NSD1: variants seen among roughly 807,000 people sequenced by gnomAD.
NSD1 encodes the protein nuclear receptor binding SET domain protein 1.
In NSD1, 26 loss-of-function variants were observed where a neutral mutation model predicts 242.7. The ratio of observed to expected loss-of-function variants is 0.11; its 90% CI spans 0.08 to 0.15. The LOEUF (loss-of-function observed/expected upper bound fraction) is 0.15, where lower values mean the gene tolerates loss of function less well. Ranked by LOEUF, NSD1 falls within the 10% of genes least tolerant of loss-of-function variation. The probability of loss-of-function intolerance (pLI) is 1.00; values close to 1 mark genes in which losing one functional copy is unlikely to be tolerated. For missense variants in NSD1, 2,495 were observed against 3,272.8 expected, an observed-to-expected ratio of 0.76 and a Z score of 5.80; for synonymous variants, 1,106 against 1,178.1, an observed-to-expected ratio of 0.94 and a Z score of 1.25.
rs138641637 is a variant in NSD1 at position 177,212,121 on chromosome 5, G to T, written c.3722G>T (p.Ser1241Ile). Residue 1241 changes from serine (S) to isoleucine (I), a missense_variant, in exon 5 of 23, where the codon AGT becomes ATT. Around this residue, in one of 19 missense-constraint regions of NSD1, gnomAD observed 426 missense variants for 411.4 expected, o/e 1.04. Transcript: ENST00000439151. Reference sequence around the variant, plus strand: ...CGGTTAAATGTTTGTGATAAATCCAGTGCCAGCATTGGTGACATGGAAAAG... The same window carrying T: ...CGGTTAAATGTTTGTGATAAATCCATTGCCAGCATTGGTGACATGGAAAAG... ...GPRLNVCDKS[S>I]ASIGDMEKEP... 3 of 1,613,886 alleles carry T rather than the reference G, an allele frequency of 1.9e-6. No homozygotes were observed. The highest frequency in any genetic ancestry group is 3.3e-5 in the Admixed American group (2 of 59,958).
chr5:177,272,969 A>T (rs1357270586), intron 16 of NSD1, among the ~76,000 whole-genome samples: 1 of 152,192 alleles, frequency 6.6e-6, no homozygotes, highest in Non-Finnish European at 1.5e-5. Flanking sequence ...TTACACAACA[A>T]GTCTTAGGAT....
rs565578354 is a variant in NSD1, at chr5:177,299,869, C to G, written c.*4410C>G. The stretch of plus-strand genomic sequence containing the variant: ...GCAGGCCAGAGCAAGGCGGTCTCAT[C>G]GAGGTGGGTGCTACCTGTGTGTGTG... On this transcript the variant is annotated 3_prime_UTR_variant, in exon 23 of 23. Coordinates refer to ENST00000439151, the MANE Select transcript of NSD1 (RefSeq NM_022455.5). 4 of 233,264 alleles carry G rather than the reference C, an allele frequency of 1.7e-5. No homozygotes were observed. The highest frequency in any genetic ancestry group is 8.8e-5 in the African/African-American group (4 of 45,388). 14.4% of individuals were successfully genotyped at this position (233,264 alleles called of 1,614,324 possible).
At chr5:177,151,838 T>G (rs1159240726) in intron 2 of NSD1, among the ~76,000 whole-genome samples, 3 of 151,722 alleles carry the variant, frequency 2.0e-5, no homozygotes, top group African/African-American at 7.3e-5. Flanking sequence ...GGACTACAGG[T>G]GTGTGCCTTC....
At chr5:177,248,149 A>G (rs368415989) in intron 10 of NSD1, 32 bp from the exon 11 acceptor site, 222 of 1,612,826 alleles carry the variant, frequency 1.4e-4, no homozygotes, top group Non-Finnish European at 1.9e-4. Flanking sequence ...CATCAATAAT[A>G]CAGATGTGGG....
At chr5:177,223,993 C>CA (rs1387550521) in intron 5 of NSD1, among the ~76,000 whole-genome samples, 1 of 151,936 alleles carries the variant, frequency 6.6e-6, no homozygotes, top group South Asian at 2.1e-4. Flanking sequence ...CTTGTCTCAA[C>CA]AAAAAATAAA....
intron 8 of NSD1, among the ~76,000 whole-genome samples, chr5:177,243,626 G>T (rs925190114): frequency 1.3e-5 from 2 of 152,156 alleles, no homozygotes; most frequent in Non-Finnish European, 2.9e-5. Flanking sequence ...TCTATATGTT[G>T]GAAATCTCTG....
At chr5:177,280,267 G>A (rs567583839) in intron 17 of NSD1, among the ~76,000 whole-genome samples, 6 of 151,280 alleles carry the variant, frequency 4.0e-5, no homozygotes, top group Non-Finnish European at 7.4e-5. Flanking sequence ...GTGAGCCACC[G>A]TACCTGGCTC....
At chr5:177,202,184 AG>A (rs1762560443) in intron 3 of NSD1, among the ~76,000 whole-genome samples, 1 of 148,378 alleles carries the variant, frequency 6.7e-6, no homozygotes, top group South Asian at 2.1e-4. Flanking sequence ...AAAAAAAAAA[AG>A]TTGTTCAAGT....
chr5:177,233,537 A>ATTTT lies in NSD1; in HGVS notation c.3797-2267_3797-2264dup, dbSNP rs56908682. Among the ~76,000 whole-genome samples, 575 of 126,376 alleles carry ATTTT rather than the reference A, an allele frequency of 4.5e-3. 17 individuals carry two copies. The East Asian group carries it at 0.056, about 12-fold the overall frequency. The allele number at this position is 126,376 out of a possible 152,430, so 82.9% of individuals were successfully genotyped here. ...ACATGAGCCACCATGCCTGGCTAGT[A>ATTTT]TTTTTTTTTTTTTTTTTTTTAAGTA... On this transcript the variant is annotated intron_variant, in intron 5 of 22. Transcript: ENST00000439151.
Position 177,294,423 on chromosome 5 carries a change from G to T in NSD1, c.7055G>T (p.Arg2352Ile). The T allele has an allele frequency of 6.2e-7, 1 of 1,614,194 alleles. No homozygotes were observed. The highest frequency in any genetic ancestry group is 8.5e-7 in the Non-Finnish European group (1 of 1,180,038). ...SPSVRSQPLE[R>I]PLGTADPRLD... ...TCAGTCAGGTCCCAACCACTGGAAAGACCTCTGGGGACGGCTGACCCAAGG... is the reference window on the plus strand; with the variant it reads ...TCAGTCAGGTCCCAACCACTGGAAATACCTCTGGGGACGGCTGACCCAAGG... Residue 2352 changes from arginine (R) to isoleucine (I), a missense_variant, in exon 23 of 23, where the codon AGA becomes ATA. This residue lies in a region of NSD1 where 475 missense variants were observed against 563.7 expected (regional missense o/e 0.84). Transcript: ENST00000439151.
chr5:177,245,466 AAAG>A lies in NSD1; in HGVS notation c.4378+1198_4378+1200del, dbSNP rs745798173. On this transcript the variant is annotated intron_variant, in intron 9 of 22. Coordinates refer to ENST00000439151, the MANE Select transcript of NSD1 (RefSeq NM_022455.5). Reference sequence around the variant, plus strand: ...TCTCCAACTCAATCAGGCAGTCAAAAAAGAGCTCACTGAGGCAGTCTTCAAAAC... The same window carrying A: ...TCTCCAACTCAATCAGGCAGTCAAAAAGCTCACTGAGGCAGTCTTCAAAAC... Among the ~76,000 whole-genome samples, 52 of 152,276 alleles carry A rather than the reference AAAG, an allele frequency of 3.4e-4. 1 individual carries two copies. Among genetic ancestry groups the A allele is most frequent in the South Asian group, 8.3e-4 (4 of 4,828 alleles).
chr5:177,146,450 C>T (rs190925319), intron 2 of NSD1, among the ~76,000 whole-genome samples: 21 of 151,986 alleles, frequency 1.4e-4, no homozygotes, highest in African/African-American at 2.9e-4. Flanking sequence ...GTGATCCGCC[C>T]GCCTCAGCCT....
At chr5:177,203,699 A>G (rs748449723) in intron 3 of NSD1, among the ~76,000 whole-genome samples, 2 of 149,890 alleles carry the variant, frequency 1.3e-5, no homozygotes, top group Non-Finnish European at 3.0e-5. Context: ...ATATTAGCCT[A>G]GTGTTTTTCA....
intron 10 of NSD1, among the ~76,000 whole-genome samples, chr5:177,247,342 A>G (rs566086526): frequency 6.6e-6 from 1 of 152,278 alleles, no homozygotes; most frequent in African/African-American, 2.4e-5. Context: ...CACAAGAATC[A>G]CTTGAACCCT....
intron 16 of NSD1, among the ~76,000 whole-genome samples, chr5:177,271,529 G>C (rs1257981447): frequency 1.3e-5 from 2 of 152,166 alleles, no homozygotes; most frequent in Non-Finnish European, 2.9e-5. Context: ...AGTAGGGCCA[G>C]AATCTAACCT....
rs587784154 is a variant in NSD1, at chr5:177,280,682, C to T, written c.5740C>T (p.Arg1914Cys). 1.2e-6 allele frequency: 2 copies of T among 1,614,194 alleles called. No homozygotes were observed. Among genetic ancestry groups the T allele is most frequent in the Admixed American group, 1.7e-5 (1 of 60,020 alleles). Residue 1914 changes from arginine (R) to cysteine (C), a missense_variant, in exon 18 of 23, where the codon CGC (arginine) becomes TGC (cysteine). Around this residue, in one of 19 missense-constraint regions of NSD1, gnomAD observed 114 missense variants for 247.4 expected, o/e 0.46. Transcript: ENST00000439151. ...TGGGATAGACTCTGAATGCATCAAC[C>T]GCATGCTGCTCTATGAGTGCCACCC... The part of the protein sequence containing the change: ...PCGIDSECIN[R>C]MLLYECHPTV...
Position 177,248,341 on chromosome 5 carries a change from C to T in NSD1, c.4641+17C>T. ...GTCTGTCAGGTAGAGAAATGTTTGC[C>T]CACTTGTGTTTTCATTGCATGTTCA... On this transcript the variant is annotated intron_variant, in intron 11 of 22. Transcript: ENST00000439151. 1 of 1,611,768 alleles carries T rather than the reference C, an allele frequency of 6.2e-7. No individual in the cohort carries two copies. The highest frequency in any genetic ancestry group is 1.3e-5 in the African/African-American group (1 of 74,978).
rs150492535 is a variant in NSD1, at chr5:177,207,593, A to ATTTTTTTTTTTTTTTTTTTTT, written c.1237-2034_1237-2014dup. On this transcript the variant is annotated intron_variant, in intron 4 of 22. Transcript: ENST00000439151. ...CACCGTGCCTGGCCTATTTATTTAAATTTTTTTTTTTTTTTTTTTTTTTTT... is the reference window on the plus strand; with the variant it reads ...CACCGTGCCTGGCCTATTTATTTAAATTTTTTTTTTTTTTTTTTTTTTTTTTTTTTTTTTTTTTTTTTTTTT... Among the ~76,000 whole-genome samples, 19 of 78,218 alleles carry ATTTTTTTTTTTTTTTTTTTTT rather than the reference A, an allele frequency of 2.4e-4. 2 individuals carry two copies. The highest frequency in any genetic ancestry group is 1.2e-3 in the African/African-American group (17 of 14,180). The allele number at this position is 78,218 out of a possible 152,430, so 51.3% of individuals were successfully genotyped here.
intron 8 of NSD1, among the ~76,000 whole-genome samples, chr5:177,243,654 C>T (rs1241585180): frequency 1.3e-5 from 2 of 152,102 alleles, no homozygotes; most frequent in Non-Finnish European, 2.9e-5. Context: ...TTTATTTTTT[C>T]TTAAGGAGTA....
Sources: allele counts gnomAD v4.1 joint callset (sites outside exome capture counted in the v4.1 genomes callset), GRCh38; gene constraint gnomAD v4.1.1; regional missense constraint gnomAD v4.1.1; transcripts MANE v1.5; gene names NCBI Gene and HGNC (gene_info 2026-07-23, HGNC 2026-07-21).